WASHC2A: variants seen among roughly 807,000 people sequenced by gnomAD.
WASHC2A encodes WASH complex subunit FAM21A.
A neutral mutation model predicts 140.3 loss-of-function variants in WASHC2A; 82 were observed. That is an observed-to-expected ratio of 0.58 (90% CI 0.49 to 0.70). The LOEUF (loss-of-function observed/expected upper bound fraction) is 0.70. Among genes scored for constraint, WASHC2A ranks in the 30% least tolerant of loss-of-function variants. The pLI, the probability that WASHC2A is intolerant of heterozygous loss-of-function variation, is 0.00. For missense variants in WASHC2A, 985 were observed against 1,521.8 expected (o/e 0.65, Z 5.87); for synonymous variants, 340 against 560.8 (o/e 0.61, Z 5.56).
At chr10:50,102,290 C>T (rs1841275853) in intron 17 of WASHC2A, among the ~76,000 whole-genome samples, 1 of 152,184 alleles carries the variant, frequency 6.6e-6, no homozygotes, top group Admixed American at 6.5e-5. Context: ...TGACTCCTTT[C>T]TCTATATCTC....
chr10:50,131,106 A>G (rs1283666004), intron 30 of WASHC2A, 28 bp downstream of exon 30: 3 of 1,611,966 alleles, frequency 1.9e-6, no homozygotes, highest in Admixed American at 1.7e-5. Flanking sequence ...CATCTGACCT[A>G]GAGAATTCTT....
chr10:50,130,440 G>T lies in WASHC2A; in HGVS notation c.3708+401G>T, dbSNP rs1316996872. 5.3e-5 allele frequency among the ~76,000 whole-genome samples: 8 copies of T among 151,594 alleles called. No individual in the cohort carries two copies. In the East Asian group the frequency reaches 1.5e-3, roughly 29 times the overall value. On this transcript the variant is annotated intron_variant, in intron 29 of 30. Coordinates refer to ENST00000282633, the MANE Select transcript of WASHC2A (RefSeq NM_001005751.3). ...GGCTGGAGCTGACAATGTAGTGCAT[G>T]CAGGCAATAAGACTTTCAGTGGCAT...
intron 3 of WASHC2A, among the ~76,000 whole-genome samples, chr10:50,073,511 T>C (rs1838042995): frequency 7.2e-6 from 1 of 138,010 alleles, no homozygotes; most frequent in African/African-American, 2.7e-5. Flanking sequence ...CCTCCTTTTC[T>C]ACTTTTCTAT....
chr10:50,091,516 C>G lies in WASHC2A; in HGVS notation c.929C>G (p.Thr310Arg). Reference protein sequence around the residue: ...DAVGRVDEEPTTLPSGEAKPR... With the variant: ...DAVGRVDEEPRTLPSGEAKPR... Reference sequence around the variant, plus strand: ...GTGGGTCGAGTGGACGAGGAGCCGACAAGTGAGCCCCAGCCGCGTTGATGG... The same window carrying G: ...GTGGGTCGAGTGGACGAGGAGCCGAGAAGTGAGCCCCAGCCGCGTTGATGG... Residue 310 changes from threonine (T) to arginine (R), a missense_variant and splice_region_variant, in exon 10 of 31, where the codon ACA (threonine) becomes AGA (arginine). Physicochemically the swap from Thr to Arg is moderately conservative, Grantham distance 71 (BLOSUM62 -1). Coordinates refer to ENST00000282633, the MANE Select transcript of WASHC2A (RefSeq NM_001005751.3). 1.9e-6 allele frequency: 3 copies of G among 1,549,730 alleles called. No homozygotes were observed. The Admixed American group carries it at 5.9e-5, about 30-fold the overall frequency.
Position 50,129,901 on chromosome 10 carries a change from A to G in WASHC2A, c.3570A>G (p.Pro1190=). 1 of 1,612,074 alleles carries G rather than the reference A, an allele frequency of 6.2e-7. No homozygotes were observed. The highest frequency in any genetic ancestry group is 8.5e-7 in the Non-Finnish European group (1 of 1,179,874). Residue 1190 remains proline (P), a synonymous_variant, in exon 29 of 31, where the codon CCA becomes CCG. Coordinates refer to ENST00000282633, the MANE Select transcript of WASHC2A (RefSeq NM_001005751.3). Reference sequence around the variant, plus strand: ...ATGATCTCTTTCAGTCTGCTAAACCAAAACCAGCAAAGAAAACAAATCCCT... The same window carrying G: ...ATGATCTCTTTCAGTCTGCTAAACCGAAACCAGCAAAGAAAACAAATCCCT... The part of the protein sequence containing the change: ...SDDDLFQSAK[P]KPAKKTNPFP...
chr10:50,085,988 C>T (rs1343244885), intron 7 of WASHC2A, among the ~76,000 whole-genome samples: 1 of 149,388 alleles, frequency 6.7e-6, no homozygotes, highest in Non-Finnish European at 1.5e-5. Context: ...CCACCACTTA[C>T]ATTCTATTTT....
chr10:50,076,332 G>T (rs1257019435), intron 3 of WASHC2A, among the ~76,000 whole-genome samples: 1 of 152,194 alleles, frequency 6.6e-6, no homozygotes, highest in African/African-American at 2.4e-5. Flanking sequence ...GAATTGCATA[G>T]AATTATAAAT....
At chr10:50,132,727 G>T in intron 30 of WASHC2A, 79 bp from the exon 31 acceptor site, 6 of 1,611,758 alleles carry the variant, frequency 3.7e-6, no homozygotes, top group Non-Finnish European at 5.1e-6. Context: ...CTGGGTCTTT[G>T]GTGGTTTGCT....
chr10:50,121,130 G>A (rs1216598501), intron 23 of WASHC2A, among the ~76,000 whole-genome samples: 2 of 149,754 alleles, frequency 1.3e-5, no homozygotes, highest in African/African-American at 5.1e-5. Context: ...CTTGTACTGG[G>A]GATTCTAAGC....
At chr10:50,101,296 C>T (rs1454664498) in intron 17 of WASHC2A, among the ~76,000 whole-genome samples, 2 of 152,430 alleles carry the variant, frequency 1.3e-5, no homozygotes, top group African/African-American at 2.4e-5. Context: ...GCACCGGCCC[C>T]TGCCACTCTG....
intron 19 of WASHC2A, 81 bp downstream of exon 19, chr10:50,106,546 C>T: frequency 6.3e-7 from 1 of 1,584,520 alleles, no homozygotes; most frequent in Non-Finnish European, 8.6e-7. Context: ...CTTTTTCTAC[C>T]TGTTTTATAT....
intron 8 of WASHC2A, among the ~76,000 whole-genome samples, chr10:50,088,958 C>CTTTTTTT (rs1210204220): frequency 3.9e-4 from 16 of 41,374 alleles, no homozygotes; most frequent in Non-Finnish European, 6.3e-4. Context: ...TTTTTCTTTC[C>CTTTTTTT]TTTTTTTTTT....
chr10:50,089,059 G>A lies in WASHC2A; in HGVS notation c.733-1717G>A, dbSNP rs1319692066. Among the ~76,000 whole-genome samples, 8 of 149,840 alleles carry A rather than the reference G, an allele frequency of 5.3e-5. No homozygotes were observed. The South Asian group carries it at 8.4e-4, about 16-fold the overall frequency. ...GGTTCACTACAACCTCCACCTCTTC[G>A]GTTCAAGTGATTCTCATGCCTCAGC... On this transcript the variant is annotated intron_variant, in intron 8 of 30. Transcript: ENST00000282633.
intron 23 of WASHC2A, among the ~76,000 whole-genome samples, chr10:50,121,212 G>C (rs1196475216): frequency 6.6e-6 from 1 of 150,406 alleles, no homozygotes. Flanking sequence ...GAAGCAATCT[G>C]TATTTGCAGA....
chr10:50,075,861 T>C (rs1424965156), intron 3 of WASHC2A, among the ~76,000 whole-genome samples: 3 of 152,126 alleles, frequency 2.0e-5, no homozygotes, highest in Admixed American at 2.0e-4. Context: ...TTGTCATGGT[T>C]ATCAATCTTT....
chr10:50,132,784 T>G, intron 30 of WASHC2A, 22 bp from the exon 31 acceptor site: 1 of 1,611,992 alleles, frequency 6.2e-7, no homozygotes, highest in Non-Finnish European at 8.5e-7. Context: ...TCAGCAACCG[T>G]TCTTCTTTTT....
At chr10:50,091,783 A>G (rs1839953808) in intron 10 of WASHC2A, among the ~76,000 whole-genome samples, 2 of 152,016 alleles carry the variant, frequency 1.3e-5, no homozygotes, top group East Asian at 3.9e-4. Flanking sequence ...ATTAATAGAA[A>G]CTCCAGAGAA....
chr10:50,121,609 A>T lies in WASHC2A; in HGVS notation c.2478+1840A>T, dbSNP rs1421370855. Among the ~76,000 whole-genome samples the T allele has an allele frequency of 3.3e-4, 49 of 149,904 alleles. No homozygotes were observed. The East Asian group carries it at 9.2e-3, about 28-fold the overall frequency. On this transcript the variant is annotated intron_variant, in intron 23 of 30. Transcript: ENST00000282633. ...GGGTTTCACCGTGTTGGCCACGCTG[A>T]CCTTGAACTCTTGACCTCAGGTGAT...
chr10:50,128,731 T>C (rs1185466527), intron 28 of WASHC2A, among the ~76,000 whole-genome samples: 9 of 152,160 alleles, frequency 5.9e-5, no homozygotes, highest in Non-Finnish European at 1.5e-5. Flanking sequence ...CAATCATACT[T>C]TGCCCAAAGT....
Sources: allele counts gnomAD v4.1 joint callset (sites outside exome capture counted in the v4.1 genomes callset), GRCh38; gene constraint gnomAD v4.1.1; transcripts MANE v1.5; gene names NCBI Gene and HGNC (gene_info 2026-07-23, HGNC 2026-07-21).